The following IGF2BP3 variants were observed in gnomAD, a reference collection of about 807,000 sequenced individuals.
The protein encoded by IGF2BP3 is insulin like growth factor 2 mRNA binding protein 3.
A neutral mutation model predicts 73.8 loss-of-function variants in IGF2BP3; 9 were observed. The ratio of observed to expected loss-of-function variants is 0.12; its 90% confidence interval spans 0.07 to 0.21. IGF2BP3 has a LOEUF of 0.21. Ranked by LOEUF, IGF2BP3 falls within the 10% of genes least tolerant of loss-of-function variation. The pLI is 1.00. For missense variants in IGF2BP3, 542 were observed against 714.0 expected, an observed-to-expected ratio of 0.76 and a Z score of 2.75; for synonymous variants, 258 against 256.7, an observed-to-expected ratio of 1.01 and a Z score of -0.05.
intron 3 of IGF2BP3, among the ~76,000 whole-genome samples, chr7:23,379,789 C>T (rs1023458435): frequency 6.6e-6 from 1 of 152,188 alleles, no homozygotes; most frequent in Non-Finnish European, 1.5e-5. Flanking sequence ...GTCTGCAACT[C>T]GCCACTCCCA....
intron 2 of IGF2BP3, among the ~76,000 whole-genome samples, chr7:23,442,052 G>A (rs62468255): frequency 0.35 from 52,962 of 152,152 alleles, 9,566 homozygotes; most frequent in Middle Eastern, 0.41. Context: ...ACTTGAACCT[G>A]GGAGGCAGAG....
intron 10 of IGF2BP3, among the ~76,000 whole-genome samples, chr7:23,325,275 A>G (rs939300245): frequency 2.0e-5 from 3 of 152,200 alleles, no homozygotes; most frequent in Non-Finnish European, 4.4e-5. Context: ...TTATACATCA[A>G]TAACAGACAA....
At chr7:23,402,297 G>A (rs1360426664) in intron 3 of IGF2BP3, 2 of 152,178 alleles carry the variant, frequency 1.3e-5, no homozygotes, top group African/African-American at 2.4e-5. Flanking sequence ...TTGCACACTT[G>A]TACTGCATGA....
chr7:23,351,624 C>A, intron 5 of IGF2BP3, 38 bp from the exon 6 acceptor site: 1 of 1,607,618 alleles, frequency 6.2e-7, no homozygotes, highest in Non-Finnish European at 8.5e-7. Context: ...GAAAAGGAAT[C>A]AGGCTATATG....
chr7:23,407,199 A>T (rs547033587), intron 3 of IGF2BP3, among the ~76,000 whole-genome samples: 45 of 151,860 alleles, frequency 3.0e-4, no homozygotes, highest in African/African-American at 1.0e-3. Flanking sequence ...AAAAAAAAGA[A>T]AAAAAGAAAC....
intron 3 of IGF2BP3, among the ~76,000 whole-genome samples, chr7:23,382,542 C>T (rs1180938271): frequency 1.3e-5 from 2 of 152,012 alleles, no homozygotes; most frequent in African/African-American, 4.8e-5. Context: ...TTAATCATGA[C>T]CAAAAGTTCA....
intron 3 of IGF2BP3, among the ~76,000 whole-genome samples, chr7:23,382,894 CA>C (rs57466793): frequency 0.015 from 761 of 49,106 alleles, 3 homozygotes; most frequent in Middle Eastern, 0.045. Context: ...CTAGCTCTAC[CA>C]AAAAAAAAAA....
At chr7:23,312,502 C>A in intron 14 of IGF2BP3, 42 bp from the exon 15 acceptor site, 2 of 1,387,534 alleles carry the variant, frequency 1.4e-6, no homozygotes, top group Non-Finnish European at 2.1e-6. Flanking sequence ...TGATCAAAAG[C>A]TACTAAAAGT....
intron 2 of IGF2BP3, among the ~76,000 whole-genome samples, chr7:23,467,448 G>C (rs1788591208): frequency 6.6e-6 from 1 of 152,292 alleles, no homozygotes; most frequent in African/African-American, 2.4e-5. Context: ...GGGGGGATGG[G>C]AGAGGGGCAG....
chr7:23,368,377 AAG>A (rs1441391553), intron 3 of IGF2BP3, among the ~76,000 whole-genome samples: 91 of 151,740 alleles, frequency 6.0e-4, no homozygotes, highest in African/African-American at 2.2e-3. Flanking sequence ...GAAAGAAAGA[AAG>A]AAAGAAAAGA....
intron 2 of IGF2BP3, among the ~76,000 whole-genome samples, chr7:23,451,931 G>A (rs1291589945): frequency 1.2e-4 from 16 of 132,946 alleles, no homozygotes; most frequent in South Asian, 2.3e-4. Flanking sequence ...CTGGGCGACA[G>A]AGCAAGATAA....
At chr7:23,441,509 G>A (rs1025681935) in intron 2 of IGF2BP3, among the ~76,000 whole-genome samples, 1 of 146,712 alleles carries the variant, frequency 6.8e-6, no homozygotes, top group Non-Finnish European at 1.5e-5. Context: ...GGAGGCCGAG[G>A]TTGCAGTGAG....
intron 10 of IGF2BP3, among the ~76,000 whole-genome samples, chr7:23,337,974 T>C (rs1410374558): frequency 2.0e-5 from 3 of 152,234 alleles, no homozygotes; most frequent in African/African-American, 7.2e-5. Context: ...AGCCTTGGAT[T>C]GTCTACCCTT....
At chr7:23,442,372 G>C (rs1298751157) in intron 2 of IGF2BP3, among the ~76,000 whole-genome samples, 1 of 151,856 alleles carries the variant, frequency 6.6e-6, no homozygotes, top group Admixed American at 6.6e-5. Flanking sequence ...TTTTATGCAA[G>C]GTCAATAACA....
intron 3 of IGF2BP3, among the ~76,000 whole-genome samples, chr7:23,364,577 A>G (rs375410913): frequency 0.036 from 2,270 of 63,046 alleles, no homozygotes; most frequent in African/African-American, 0.056. Flanking sequence ...AAAAAGCGGG[A>G]GGTTGGGGGG....
At chr7:23,331,955 A>C (rs1319929991) in intron 10 of IGF2BP3, among the ~76,000 whole-genome samples, 1 of 152,078 alleles carries the variant, frequency 6.6e-6, no homozygotes, top group African/African-American at 2.4e-5. Flanking sequence ...ACAAATGGGT[A>C]ACAAGGTACG....
rs1272447016 is a variant in IGF2BP3, at chr7:23,330,327, ATATT to A, written c.1204-11077_1204-11074del. Among the ~76,000 whole-genome samples the A allele has an allele frequency of 2.7e-5, 4 of 148,376 alleles. No homozygotes were observed. In the East Asian group the frequency reaches 7.8e-4, roughly 29 times the overall value. ...ATAATGTATAATATTTATACAATAT[ATATT>A]TATATAATATTTATATTATATATAT... On this transcript the variant is annotated intron_variant, in intron 10 of 14. Coordinates refer to ENST00000258729, the MANE Select transcript of IGF2BP3 (RefSeq NM_006547.3).
chr7:23,363,457 G>A (rs1254618207), intron 3 of IGF2BP3, among the ~76,000 whole-genome samples: 1 of 152,120 alleles, frequency 6.6e-6, no homozygotes, highest in Non-Finnish European at 1.5e-5. Flanking sequence ...ATGTTGCCCA[G>A]GCTGGTCTCA....
At chr7:23,323,447 T>C (rs2128494264) in intron 10 of IGF2BP3, among the ~76,000 whole-genome samples, 1 of 145,166 alleles carries the variant, frequency 6.9e-6, no homozygotes, top group Admixed American at 6.9e-5. Flanking sequence ...ACAAAGAGAC[T>C]TAGACTCCCA....
Sources: allele counts gnomAD v4.1 joint callset (sites outside exome capture counted in the v4.1 genomes callset), GRCh38; gene constraint gnomAD v4.1.1; transcripts MANE v1.5; gene names NCBI Gene and HGNC (gene_info 2026-07-23, HGNC 2026-07-21).